PRKG1: variants seen among roughly 807,000 people sequenced by gnomAD.
The protein encoded by PRKG1 is protein kinase cGMP-dependent 1.
PRKG1 carries 35 observed loss-of-function variants against 88.1 expected under a neutral mutation model. The observed-to-expected ratio is 0.40, with a 90% confidence interval of 0.30 to 0.53. PRKG1 has a LOEUF of 0.53. Ranked by LOEUF, PRKG1 falls within the 20% of genes least tolerant of loss-of-function variation. The pLI is 0.59. For synonymous variants in PRKG1, 303 were observed against 292.5 expected (o/e 1.04, Z -0.37); for missense variants, 540 against 839.8 (o/e 0.64, Z 4.41).
intron 2 of PRKG1, among the ~76,000 whole-genome samples, chr10:51,278,709 C>A (rs966266263): frequency 3.3e-5 from 5 of 152,060 alleles, no homozygotes; most frequent in Non-Finnish European, 5.9e-5. Context: ...GGAATTTATC[C>A]GTTTCTTCTA....
chr10:52,023,746 C>T (rs1845251006), intron 5 of PRKG1, among the ~76,000 whole-genome samples: 1 of 152,166 alleles, frequency 6.6e-6, no homozygotes, highest in East Asian at 1.9e-4. Flanking sequence ...ATCCTTCGCT[C>T]ACTTTTTGAT....
chr10:51,560,259 A>G (rs1336366132), intron 3 of PRKG1, among the ~76,000 whole-genome samples: 1 of 152,094 alleles, frequency 6.6e-6, no homozygotes, highest in Non-Finnish European at 1.5e-5. Context: ...TTCAGTTAAG[A>G]TGATGGGATG....
chr10:51,954,380 C>G (rs1042764020), intron 5 of PRKG1, among the ~76,000 whole-genome samples: 8 of 151,860 alleles, frequency 5.3e-5, no homozygotes, highest in Admixed American at 5.3e-4. Context: ...ATTTCTAGAC[C>G]AACATTGCAA....
Position 51,821,239 on chromosome 10 carries a change from C to G in PRKG1, c.698+16549C>G, listed in dbSNP as rs139799636. Among the ~76,000 whole-genome samples, 55 of 152,164 alleles carry G rather than the reference C, an allele frequency of 3.6e-4. No homozygotes were observed. In the East Asian group the frequency reaches 9.9e-3, roughly 27 times the overall value. ...ATAAATATGCCACCATTTGTTTATT[C>G]ATTTTTACTGACAAAGGGCATTTGG... is the stretch of plus-strand genomic sequence containing the variant. On this transcript the variant is annotated intron_variant, in intron 4 of 17. Coordinates refer to ENST00000373980, the MANE Select transcript of PRKG1 (RefSeq NM_006258.4).
chr10:51,649,131 C>G (rs1403772948), intron 3 of PRKG1, among the ~76,000 whole-genome samples: 1 of 152,086 alleles, frequency 6.6e-6, no homozygotes, highest in Non-Finnish European at 1.5e-5. Flanking sequence ...ACATTTTTGC[C>G]CTTTGCCCCT....
chr10:51,164,114 T>TGACCCCC (rs1157070254), intron 2 of PRKG1, among the ~76,000 whole-genome samples: 1 of 152,216 alleles, frequency 6.6e-6, no homozygotes, highest in Non-Finnish European at 1.5e-5. Flanking sequence ...CCCTGACCCC[T>TGACCCCC]GACCCCCGAG....
chr10:51,850,764 T>C (rs1388827714), intron 4 of PRKG1, among the ~76,000 whole-genome samples: 1 of 152,124 alleles, frequency 6.6e-6, no homozygotes, highest in Non-Finnish European at 1.5e-5. Flanking sequence ...AAAATGCAAA[T>C]TTAACACTAT....
chr10:51,396,003 C>T (rs7917480), intron 2 of PRKG1, among the ~76,000 whole-genome samples: 1,756 of 152,240 alleles, frequency 0.012, 30 homozygotes, highest in African/African-American at 0.04. Context: ...ATTTTAATGG[C>T]ATAAAATGCT....
At chr10:51,674,020 T>C (rs1021970441) in intron 3 of PRKG1, among the ~76,000 whole-genome samples, 2 of 152,162 alleles carry the variant, frequency 1.3e-5, no homozygotes, top group East Asian at 3.9e-4. Context: ...AAGTATTGAT[T>C]AGAATGCAGA....
At chr10:52,169,820 G>A (rs866812358) in intron 9 of PRKG1, among the ~76,000 whole-genome samples, 1 of 152,078 alleles carries the variant, frequency 6.6e-6, no homozygotes, top group Admixed American at 6.5e-5. Flanking sequence ...GGAAGATTAT[G>A]GATCTTCAGT....
At chr10:51,119,662 C>A (rs567574305) in intron 1 of PRKG1, among the ~76,000 whole-genome samples, 228 of 152,070 alleles carry the variant, frequency 1.5e-3, no homozygotes, top group African/African-American at 5.0e-3. Flanking sequence ...TGTTAAAATT[C>A]ATGGTCTAAA....
At chr10:51,995,456 T>G (rs956815692) in intron 5 of PRKG1, among the ~76,000 whole-genome samples, 3 of 152,322 alleles carry the variant, frequency 2.0e-5, no homozygotes, top group Non-Finnish European at 4.4e-5. Flanking sequence ...TATTGACATA[T>G]AAGATAGGCC....
chr10:51,334,720 G>C (rs1192013375), intron 2 of PRKG1, among the ~76,000 whole-genome samples: 1 of 152,156 alleles, frequency 6.6e-6, no homozygotes, highest in Non-Finnish European at 1.5e-5. Flanking sequence ...TGTAATGGCA[G>C]AGAGAGGGTA....
At chr10:51,165,664 T>A (rs61849733) in intron 2 of PRKG1, among the ~76,000 whole-genome samples, 9 of 151,992 alleles carry the variant, frequency 5.9e-5, no homozygotes, top group South Asian at 4.2e-4. Context: ...TCACGTGCAG[T>A]GACACACATA....
chr10:51,674,367 C>G (rs1840658676), intron 3 of PRKG1, among the ~76,000 whole-genome samples: 1 of 151,972 alleles, frequency 6.6e-6, no homozygotes, highest in South Asian at 2.1e-4. Flanking sequence ...GTGATGTTCC[C>G]CTCCCTGTGT....
chr10:52,200,811 T>C (rs964485893), intron 9 of PRKG1, among the ~76,000 whole-genome samples: 2 of 152,214 alleles, frequency 1.3e-5, no homozygotes, highest in African/African-American at 2.4e-5. Flanking sequence ...TAATTAATGA[T>C]GTTGAGCATT....
At chr10:51,292,232 G>C (rs1409609324) in intron 2 of PRKG1, among the ~76,000 whole-genome samples, 6 of 152,124 alleles carry the variant, frequency 3.9e-5, no homozygotes. Flanking sequence ...CTGAATTCTA[G>C]CTGGCATTAC....
chr10:51,615,301 A>G (rs1350942469), intron 3 of PRKG1, among the ~76,000 whole-genome samples: 2 of 152,122 alleles, frequency 1.3e-5, no homozygotes, highest in Non-Finnish European at 1.5e-5. Flanking sequence ...TGACTATAAT[A>G]TACCATGAAG....
chr10:51,715,768 A>C (rs941293855), intron 3 of PRKG1, among the ~76,000 whole-genome samples: 13 of 152,196 alleles, frequency 8.5e-5, no homozygotes, highest in African/African-American at 2.9e-4. Context: ...CTGATATGGA[A>C]AGTCAGAATG....
Sources: gnomAD v4.1 joint callset for allele counts (sites outside exome capture counted in the v4.1 genomes callset) on GRCh38, gnomAD v4.1.1 for gene constraint, MANE v1.5 for transcripts, NCBI Gene and HGNC (gene_info 2026-07-23, HGNC 2026-07-21) for gene names.